SRPRB: variants seen among roughly 807,000 people sequenced by gnomAD.
The protein encoded by SRPRB is signal recognition particle receptor subunit beta.
SRPRB carries 20 observed loss-of-function variants against 31.9 expected under a neutral mutation model. The ratio of observed to expected loss-of-function variants is 0.63; its 90% confidence interval spans 0.44 to 0.91. SRPRB has a LOEUF of 0.91. Among genes scored for constraint, SRPRB ranks in the 40% least tolerant of loss-of-function variants. The pLI is 0.00. For missense variants in SRPRB, 321 were observed against 324.9 expected, an observed-to-expected ratio of 0.99 and a Z score of 0.09; for synonymous variants, 146 against 132.8, an observed-to-expected ratio of 1.10 and a Z score of -0.68.
At chr3:133,813,138 G>T (rs541978800) in intron 4 of SRPRB, among the ~76,000 whole-genome samples, 1 of 152,174 alleles carries the variant, frequency 6.6e-6, no homozygotes, top group Non-Finnish European at 1.5e-5. Context: ...CAGTCTAATT[G>T]TCATTTCACT....
chr3:133,804,095 C>CA (rs1205426598), upstream of SRPRB, among the ~76,000 whole-genome samples: 26,704 of 57,882 alleles, frequency 0.46, 5,431 homozygotes, highest in African/African-American at 0.55. Flanking sequence ...GACTCTGTCT[C>CA]AAAAAAAAAA....
intron 5 of SRPRB, 134 bp downstream of exon 5, chr3:133,815,860 T>C (rs1169133657): frequency 1.4e-5 from 15 of 1,104,932 alleles, no homozygotes; most frequent in Admixed American, 7.9e-5. Flanking sequence ...AATTGAAGGA[T>C]TTTTAATCTT....
chr3:133,808,098 T>C (rs1024785423), intron 3 of SRPRB, among the ~76,000 whole-genome samples: 25 of 152,220 alleles, frequency 1.6e-4, no homozygotes, highest in South Asian at 6.2e-4. Flanking sequence ...AACTTTACAA[T>C]GAGTTCTTAA....
At chr3:133,805,774 G>A, upstream of SRPRB, 1 of 1,501,212 alleles carries the variant, frequency 6.7e-7, no homozygotes. Flanking sequence ...ATTCGCGTGA[G>A]GCTCTGCTCC....
intron 2 of SRPRB, 135 bp from the exon 3 acceptor site, chr3:133,807,610 AT>A: frequency 6.3e-6 from 4 of 632,754 alleles, no homozygotes; most frequent in Non-Finnish European, 8.3e-6. Flanking sequence ...GGTAAAAAAA[AT>A]CAATATCGTC....
At chr3:133,790,115 A>G (rs1934796240) in intron 1 of SRPRB, 1 of 152,204 alleles carries the variant, frequency 6.6e-6, no homozygotes, top group African/African-American at 2.4e-5. Context: ...AAGTGAAACA[A>G]TTGAGTACAG....
downstream of SRPRB, chr3:133,825,747 C>T (rs983422445): frequency 6.6e-6 from 1 of 152,208 alleles, no homozygotes; most frequent in African/African-American, 2.4e-5. Flanking sequence ...AGATTCACCC[C>T]CTTCACTCCC....
rs571574972 is a variant in SRPRB, at chr3:133,818,558, T to C, written c.603-995T>C. On this transcript the variant is annotated intron_variant, in intron 6 of 6. Transcript: ENST00000678299. ...GGTATATTATATTTACATGGCCTTG[T>C]GGCAAAAGCTGAATACATGTTTTAC... is the stretch of plus-strand genomic sequence containing the variant. Among the ~76,000 whole-genome samples the C allele has an allele frequency of 4.4e-4, 66 of 150,026 alleles. 1 individual carries two copies. Among genetic ancestry groups the C allele is most frequent in the African/African-American group, 1.5e-3 (62 of 40,252 alleles).
intron 6 of SRPRB, among the ~76,000 whole-genome samples, chr3:133,818,785 AGTGTGTGTGTGT>A (rs146467727): frequency 1.7e-4 from 24 of 144,206 alleles, no homozygotes; most frequent in South Asian, 4.6e-4. Context: ...ATACTTTTAC[AGTGTGTGTGTGT>A]GTGTGTGTGT....
In SRPRB at chr3:133,813,548, C is replaced by G. The variant is rs142071392; in HGVS notation, c.411-2042C>G. Among the ~76,000 whole-genome samples the G allele has an allele frequency of 6.8e-3, 1,031 of 152,234 alleles. 9 individuals carry two copies. Among genetic ancestry groups the G allele is most frequent in the Non-Finnish European group, 0.01 (714 of 68,012 alleles). On this transcript the variant is annotated intron_variant, in intron 4 of 6. Transcript: ENST00000678299. ...TTACTATATTTGTCTAAAATACTTA[C>G]CTTTTCAAACCAGCCTGTTTCTTTT...
chr3:133,796,866 G>A (rs112916893), intron 1 of SRPRB, among the ~76,000 whole-genome samples: 2,007 of 152,272 alleles, frequency 0.013, 56 homozygotes, highest in African/African-American at 0.046. Context: ...ATGAAACATT[G>A]TCTTTTGGAA....
rs141286101 is a variant in SRPRB at position 133,819,573 on chromosome 3, G to A, written c.623G>A (p.Arg208His). Reference protein sequence around the residue: ...EKELNTLRVTRSAAPSTLDSS... With the variant: ...EKELNTLRVTHSAAPSTLDSS... ...CACAGCAACACCTTACGAGTTACCC[G>A]TTCTGCTGCCCCCAGCACACTGGAC... Residue 208 changes from arginine to histidine, a missense_variant, in exon 7 of 7, where the codon CGT becomes CAT. By Grantham distance (29) the Arg-to-His change is conservative. Coordinates refer to ENST00000678299, the MANE Select transcript of SRPRB (RefSeq NM_001379313.1). 1.2e-5 allele frequency: 19 copies of A among 1,613,864 alleles called. No homozygotes were observed. The highest frequency in any genetic ancestry group is 4.5e-5 in the East Asian group (2 of 44,894).
intron 1 of SRPRB, among the ~76,000 whole-genome samples, chr3:133,806,338 C>G (rs1231716091): frequency 6.6e-6 from 1 of 152,208 alleles, no homozygotes; most frequent in Non-Finnish European, 1.5e-5. Context: ...TTCAGCCTCC[C>G]GTGTTTGCGT....
At chr3:133,812,375 C>G (rs1431822392) in intron 4 of SRPRB, among the ~76,000 whole-genome samples, 2 of 152,112 alleles carry the variant, frequency 1.3e-5, no homozygotes, top group Non-Finnish European at 2.9e-5. Flanking sequence ...GTAAATTTTG[C>G]CATAATTGGG....
At position 133,819,747 on chromosome 3, in the gene SRPRB, G is replaced by C. The variant is rs906928566; in HGVS notation, c.797G>C (p.Trp266Ser). The part of the protein sequence containing the change: ...GSADIQDLEK[W>S]LAKIA ...GCTGACATCCAGGACTTGGAGAAAT[G>C]GCTGGCTAAAATTGCCTGAGAGGCA... The change falls in exon 7 of 7, where the codon TGG becomes TCG. Residue 266 changes from tryptophan to serine, a missense_variant. Coordinates refer to ENST00000678299, the MANE Select transcript of SRPRB (RefSeq NM_001379313.1). The C allele has an allele frequency of 6.2e-7, 1 of 1,613,992 alleles. No individual in the cohort carries two copies. The highest frequency in any genetic ancestry group is 8.5e-7 in the Non-Finnish European group (1 of 1,180,030).
intron 4 of SRPRB, among the ~76,000 whole-genome samples, chr3:133,815,363 T>C (rs1441075721): frequency 1.3e-5 from 2 of 152,164 alleles, no homozygotes; most frequent in Non-Finnish European, 2.9e-5. Flanking sequence ...ACAGGCATCA[T>C]TTCTTACTGT....
At chr3:133,825,548 C>T (rs1192939699), downstream of SRPRB, 2 of 152,270 alleles carry the variant, frequency 1.3e-5, no homozygotes, top group African/African-American at 4.8e-5. Flanking sequence ...CCTTGGATCA[C>T]ACAACTGCAG....
At chr3:133,799,331 TG>T (rs1935027555) in intron 1 of SRPRB, among the ~76,000 whole-genome samples, 1 of 152,178 alleles carries the variant, frequency 6.6e-6, no homozygotes, top group Admixed American at 6.5e-5. Flanking sequence ...ATCTAAACAC[TG>T]GGATACTCTG....
chr3:133,818,918 AAAG>A (rs1576385948), intron 6 of SRPRB, among the ~76,000 whole-genome samples: 1 of 152,052 alleles, frequency 6.6e-6, no homozygotes, highest in African/African-American at 2.4e-5. Context: ...ATTTTGTAAG[AAAG>A]AAGATTGGCA....
Sources: allele counts gnomAD v4.1 joint callset (sites outside exome capture counted in the v4.1 genomes callset), GRCh38; gene constraint gnomAD v4.1.1; transcripts MANE v1.5; gene names NCBI Gene and HGNC (gene_info 2026-07-23, HGNC 2026-07-21).